The following VWCE variants were observed in gnomAD, a reference collection of about 807,000 sequenced individuals.
VWCE encodes the protein von Willebrand factor C and EGF domain-containing protein.
VWCE carries 68 observed loss-of-function variants against 102.9 expected under a neutral mutation model. That is an observed-to-expected ratio of 0.66 (90% CI 0.54 to 0.81). VWCE has a LOEUF of 0.81. VWCE is among the 30% of genes least tolerant of loss of function. The pLI, the probability that VWCE is intolerant of heterozygous loss-of-function variation, is 0.00. For missense variants in VWCE, 1,137 were observed against 1,263.6 expected (o/e 0.90, Z 1.52); for synonymous variants, 497 against 515.4 (o/e 0.96, Z 0.48).
chr11:61,268,381 C>T (rs1434789536), intron 15 of VWCE, among the ~76,000 whole-genome samples: 1 of 152,054 alleles, frequency 6.6e-6, no homozygotes, highest in Non-Finnish European at 1.5e-5. Context: ...TGGTGAAACC[C>T]CATCTCTACT....
chr11:61,282,731 G>A (rs1855180459), intron 6 of VWCE, 58 bp downstream of exon 6: 1 of 1,419,796 alleles, frequency 7.0e-7, no homozygotes, highest in Non-Finnish European at 9.9e-7. Context: ...TGGGCTCCCT[G>A]TCCATCCTCC....
chr11:61,284,994 TC>T (rs1341526490), intron 5 of VWCE, among the ~76,000 whole-genome samples: 1 of 150,708 alleles, frequency 6.6e-6, no homozygotes, highest in Non-Finnish European at 1.5e-5. Context: ...GAGCTCTCTC[TC>T]CAAGTGAGGA....
intron 4 of VWCE, among the ~76,000 whole-genome samples, chr11:61,286,804 G>GA (rs1454830288): frequency 4.4e-5 from 6 of 135,270 alleles, no homozygotes; most frequent in Middle Eastern, 5.9e-3. Flanking sequence ...TCCATCTCAG[G>GA]AAAAAAAAGA....
chr11:61,285,555 G>T (rs1182062912), intron 5 of VWCE, among the ~76,000 whole-genome samples: 2 of 152,078 alleles, frequency 1.3e-5, no homozygotes, highest in Non-Finnish European at 2.9e-5. Context: ...AGTGGGGCAG[G>T]TGAAACTGAT....
At position 61,292,442 on chromosome 11, in the gene VWCE, T is replaced by C. The variant is rs112894365; in HGVS notation, c.111-866A>G. 1.9e-3 allele frequency among the ~76,000 whole-genome samples: 296 copies of C among 152,300 alleles called. 3 individuals are homozygous for C. Among genetic ancestry groups the C allele is most frequent in the African/African-American group, 6.9e-3 (286 of 41,548 alleles). ...CCTACAACTCCCTGATGACAAGGGT[T>C]TCTTATCTATTTACCCCAGCACGTA... On this transcript the variant is annotated intron_variant, in intron 1 of 19. Transcript: ENST00000335613.
At position 61,259,129 on chromosome 11, in the gene VWCE, G is replaced by T. The variant is rs376663050; in HGVS notation, c.2414C>A (p.Thr805Lys). 6.2e-7 allele frequency: 1 copy of T among 1,614,118 alleles called. No homozygotes were observed. The highest frequency in any genetic ancestry group is 1.1e-5 in the South Asian group (1 of 91,076). The change falls in exon 20 of 20, where the codon ACG (threonine) becomes AAG (lysine). Residue 805 changes from threonine to lysine, a missense_variant. Coordinates refer to ENST00000335613, the MANE Select transcript of VWCE (RefSeq NM_152718.2). The stretch of plus-strand genomic sequence containing the variant: ...TAAAGTCTGTGTTTTCATCAAGTTC[G>T]TTCTTAAAAGGAGCTGGAGGAGATG... ...VLHLLQLLLR[T>K]NLMKTQTLPT...
At chr11:61,268,332 T>G (rs768375463) in intron 15 of VWCE, among the ~76,000 whole-genome samples, 1 of 152,180 alleles carries the variant, frequency 6.6e-6, no homozygotes, top group African/African-American at 2.4e-5. Context: ...GGCAGGCAGA[T>G]CACCTGAGGT....
intron 19 of VWCE, among the ~76,000 whole-genome samples, chr11:61,264,277 C>A (rs1854443650): frequency 7.2e-6 from 1 of 138,762 alleles, no homozygotes; most frequent in African/African-American, 2.7e-5. Context: ...AAAGGGAGTG[C>A]AAATAAACAG....
intron 4 of VWCE, 33 bp downstream of exon 4, chr11:61,290,760 GTCCCCC>G: frequency 3.2e-6 from 5 of 1,577,820 alleles, no homozygotes; most frequent in Non-Finnish European, 2.6e-6. Context: ...AATTCCCGCT[GTCCCCC>G]TCCCCCTCCC....
chr11:61,284,410 A>G (rs899163268), intron 5 of VWCE, among the ~76,000 whole-genome samples: 1 of 152,190 alleles, frequency 6.6e-6, no homozygotes, highest in Non-Finnish European at 1.5e-5. Context: ...CAACTATCCT[A>G]TCTCTGTAAG....
At chr11:61,268,080 A>C (rs1854565154) in intron 15 of VWCE, among the ~76,000 whole-genome samples, 1 of 151,224 alleles carries the variant, frequency 6.6e-6, no homozygotes, top group Admixed American at 6.6e-5. Context: ...CTTTAAAAAA[A>C]TAAAATAAAA....
rs1444309446 is a variant in VWCE, at chr11:61,280,649, A to G, written c.1299T>C (p.Asp433=). 1.9e-6 allele frequency: 3 copies of G among 1,613,986 alleles called. No individual in the cohort carries two copies. Among genetic ancestry groups the G allele is most frequent in the Non-Finnish European group, 1.7e-6 (2 of 1,180,022 alleles). ...CTGTGCACGATGGGCAGCACCCACC[A>G]TCTCTGGAGGGAATTGGGTGGGAAC... The part of the protein sequence containing the change: ...AACSHPIPSR[D]GGCCPSCTGC... Residue 433 remains aspartate, a synonymous_variant, in exon 9 of 20, where the codon GAT becomes GAC. Coordinates refer to ENST00000335613, the MANE Select transcript of VWCE (RefSeq NM_152718.2).
intron 13 of VWCE, among the ~76,000 whole-genome samples, chr11:61,272,092 C>T (rs904154326): frequency 1.3e-5 from 2 of 152,044 alleles, no homozygotes; most frequent in Non-Finnish European, 2.9e-5. Flanking sequence ...TTTGCATACA[C>T]ACACAGATAC....
rs1450978331 is a variant in VWCE, at chr11:61,276,752, G to A, written c.1408-72C>T. On this transcript the variant is annotated intron_variant, in intron 10 of 19. Transcript: ENST00000335613. ...GGGTTCATTCCCCATCTCACAGCAG[G>A]CCCTTCGAACAGGAAAGCTGCCTAA... The A allele has an allele frequency of 7.1e-6, 9 of 1,271,632 alleles. No individual in the cohort carries two copies. The African/African-American group carries it at 1.1e-4, about 15-fold the overall frequency. The allele number at this position is 1,271,632 out of a possible 1,614,324, so 78.8% of individuals were successfully genotyped here. A position where few individuals can be genotyped will look rare whatever the true frequency, so the allele number is the denominator to read the frequency against.
rs879501683 is a variant in VWCE, at chr11:61,279,061, CA to C, written c.1325-586del. Among the ~76,000 whole-genome samples the C allele has an allele frequency of 3.0e-4, 43 of 143,884 alleles. 1 individual carries two copies. In the East Asian group the frequency reaches 5.3e-3, roughly 18 times the overall value. The allele number at this position is 143,884 out of a possible 152,430, so 94.4% of individuals were successfully genotyped here. On this transcript the variant is annotated intron_variant, in intron 9 of 19. Coordinates refer to ENST00000335613, the MANE Select transcript of VWCE (RefSeq NM_152718.2). ...CTTAAAAAAAACAAAAAAACAAAAACAAAAAAAAAAACTGGCCATCCAGCTT... is the reference window on the plus strand; with the variant it reads ...CTTAAAAAAAACAAAAAAACAAAAACAAAAAAAAAACTGGCCATCCAGCTT...
chr11:61,284,434 A>G (rs906590951), intron 5 of VWCE, among the ~76,000 whole-genome samples: 5 of 152,186 alleles, frequency 3.3e-5, no homozygotes, highest in Non-Finnish European at 5.9e-5. Context: ...CCATGTACGT[A>G]CGTACACATC....
In VWCE at chr11:61,275,576, G is replaced by A. The variant is rs11825035; in HGVS notation, c.1496-992C>T. Among the ~76,000 whole-genome samples, 825 of 152,148 alleles carry A rather than the reference G, an allele frequency of 5.4e-3. 14 individuals carry two copies. Among genetic ancestry groups the A allele is most frequent in the African/African-American group, 0.018 (759 of 41,500 alleles). ...ATCAGGTAGACTTGAATTCAAGTTC[G>A]GCTCCATTACTTAATGGTTGTGTGT... On this transcript the variant is annotated intron_variant, in intron 11 of 19. Coordinates refer to ENST00000335613, the MANE Select transcript of VWCE (RefSeq NM_152718.2).
At chr11:61,289,028 G>A (rs934946718) in intron 4 of VWCE, among the ~76,000 whole-genome samples, 4 of 151,566 alleles carry the variant, frequency 2.6e-5, no homozygotes, top group Non-Finnish European at 4.4e-5. Flanking sequence ...TAGTAGAGAC[G>A]GGGTTTCACC....
intron 19 of VWCE, among the ~76,000 whole-genome samples, chr11:61,263,620 C>T (rs1360330721): frequency 4.6e-5 from 7 of 152,062 alleles, no homozygotes; most frequent in African/African-American, 9.7e-5. Context: ...AGTTCAGTGG[C>T]GTCAGTTCTT....
Sources: gnomAD v4.1 joint callset for allele counts (sites outside exome capture counted in the v4.1 genomes callset) on GRCh38, gnomAD v4.1.1 for gene constraint, MANE v1.5 for transcripts, NCBI Gene and HGNC (gene_info 2026-07-23, HGNC 2026-07-21) for gene names.